The following TK2 variants were observed in gnomAD, a reference collection of about 807,000 sequenced individuals.
TK2 encodes the protein thymidine kinase 2, also known as thymidine kinase 2, mitochondrial.
TK2 carries 35 observed loss-of-function variants against 41.9 expected under a neutral mutation model. The ratio of observed to expected loss-of-function variants is 0.84; its 90% CI spans 0.64 to 1.11. The LOEUF is 1.11. Ranked by LOEUF, TK2 falls within the 50% of genes least tolerant of loss-of-function variation. TK2 has a pLI of 0.00. For missense variants in TK2, 320 were observed against 351.1 expected (o/e 0.91, Z 0.71); for synonymous variants, 128 against 129.1 (o/e 0.99, Z 0.06).
intron 9 of TK2, among the ~76,000 whole-genome samples, chr16:66,512,453 A>C (rs961191195): frequency 6.6e-6 from 1 of 151,868 alleles, no homozygotes; most frequent in Non-Finnish European, 1.5e-5. Context: ...TTTTTCCATA[A>C]TGAGGGAGAA....
intron 1 of TK2, 117 bp from the exon 2 acceptor site, chr16:66,549,126 A>G: frequency 6.5e-7 from 1 of 1,539,056 alleles, no homozygotes. Flanking sequence ...GCCTAAAAAC[A>G]TTTTCCATTT....
At chr16:66,542,058 A>C in intron 2 of TK2, 105 bp from the exon 3 acceptor site, 1 of 1,256,360 alleles carries the variant, frequency 8.0e-7, no homozygotes, top group Non-Finnish European at 1.2e-6. Context: ...TAATTGGTTC[A>C]GTCCAAGACT....
At chr16:66,533,551 AAAAT>A (rs368182144) in intron 4 of TK2, among the ~76,000 whole-genome samples, 18 of 151,992 alleles carry the variant, frequency 1.2e-4, no homozygotes, top group East Asian at 5.8e-4. Context: ...CCCTATCTCC[AAAAT>A]AAATAAATAA....
At chr16:66,549,744 A>AGCGCCCCCAGCGCTCGCTGCGGTCTC in intron 1 of TK2, 194 bp downstream of exon 1, 1 of 1,278,352 alleles carries the variant, frequency 7.8e-7, no homozygotes, top group Non-Finnish European at 9.8e-7. Flanking sequence ...ACCAAAGCCG[A>AGCGCCCCCAGCGCTCGCTGCGGTCTC]GCGCCCCCAG....
chr16:66,513,919 TCAGA>T, intron 8 of TK2, 108 bp from the exon 9 acceptor site: 1 of 959,356 alleles, frequency 1.0e-6, no homozygotes, highest in East Asian at 2.6e-5. Flanking sequence ...GGGCAGTGAC[TCAGA>T]CAAAGGAACC....
At position 66,541,670 on chromosome 16, in the gene TK2, G is replaced by A. The variant is rs551220979; in HGVS notation, c.231+209C>T. 2.6e-5 allele frequency among the ~76,000 whole-genome samples: 4 copies of A among 152,158 alleles called. No individual in the cohort carries two copies. The highest frequency in any genetic ancestry group is 2.1e-4 in the South Asian group (1 of 4,830). ...GGGCTCAAGCAATCCACCTGCTTCC[G>A]CCTCCCAAAGTGCTAGGATTACAGG... On this transcript the variant is annotated intron_variant, in intron 3 of 9. Coordinates refer to ENST00000544898, the MANE Select transcript of TK2 (RefSeq NM_004614.5).
At chr16:66,547,962 G>A in intron 2 of TK2, 1 of 1,288,790 alleles carries the variant, frequency 7.8e-7, no homozygotes, top group Middle Eastern at 2.1e-4. Flanking sequence ...GCCAGGCACA[G>A]TGGCTCACAC....
At chr16:66,530,942 T>TG (rs1372415124) in intron 5 of TK2, among the ~76,000 whole-genome samples, 1 of 152,096 alleles carries the variant, frequency 6.6e-6, no homozygotes, top group East Asian at 1.9e-4. Context: ...AGGCTGGTCT[T>TG]GAACTCCTGA....
chr16:66,547,910 A>G, intron 2 of TK2: 1 of 1,273,924 alleles, frequency 7.8e-7, no homozygotes, highest in Non-Finnish European at 1.0e-6. Flanking sequence ...CACAAAGAAC[A>G]GGCCCAGCTC....
At chr16:66,525,717 C>T (rs2144387133) in intron 6 of TK2, among the ~76,000 whole-genome samples, 1 of 152,210 alleles carries the variant, frequency 6.6e-6, no homozygotes, top group Admixed American at 6.5e-5. Flanking sequence ...TCTCAAGGCC[C>T]CAACAAGGTC....
At chr16:66,531,301 G>A in intron 5 of TK2, 79 bp downstream of exon 5, 1 of 1,425,652 alleles carries the variant, frequency 7.0e-7, no homozygotes, top group Non-Finnish European at 9.8e-7. Context: ...TCCTTGTAAA[G>A]TTTCCCTTCC....
At chr16:66,549,552 T>G in intron 1 of TK2, 1 of 1,057,820 alleles carries the variant, frequency 9.5e-7, no homozygotes. Context: ...GCCGGGGGCG[T>G]AACCCCCCTC....
chr16:66,530,712 ATTTC>A (rs776256372), intron 5 of TK2, among the ~76,000 whole-genome samples: 9 of 150,026 alleles, frequency 6.0e-5, no homozygotes, highest in Middle Eastern at 3.5e-3. Context: ...GAAAATTTGC[ATTTC>A]TTTCTTTTTT....
Position 66,550,069 on chromosome 16 carries a change from C to A in TK2, c.-8G>T, listed in dbSNP as rs1965748368. 6.3e-7 allele frequency: 1 copy of A among 1,590,544 alleles called. No individual in the cohort carries two copies. Among genetic ancestry groups the A allele is most frequent in the Admixed American group, 1.8e-5 (1 of 55,664 alleles). On this transcript the variant is annotated 5_prime_UTR_variant, in exon 1 of 10. Coordinates refer to ENST00000544898, the MANE Select transcript of TK2 (RefSeq NM_004614.5). ...CAGCGGCCACAGCAGCATAGCCGGGCGAGCGGATCCAGAGGCCCGGGGTTC... is the reference window on the plus strand; with the variant it reads ...CAGCGGCCACAGCAGCATAGCCGGGAGAGCGGATCCAGAGGCCCGGGGTTC...
At chr16:66,541,995 C>T (rs1965472439) in intron 2 of TK2, 42 bp from the exon 3 acceptor site, 1 of 1,601,584 alleles carries the variant, frequency 6.2e-7, no homozygotes, top group Non-Finnish European at 8.6e-7. Context: ...AACTCAAGCA[C>T]CCAGGGGAAT....
chr16:66,528,394 T>C (rs779097632), intron 6 of TK2, among the ~76,000 whole-genome samples: 4 of 152,188 alleles, frequency 2.6e-5, no homozygotes, highest in Non-Finnish European at 5.9e-5. Flanking sequence ...GGGAAGCTTT[T>C]AGTGAAAAAC....
At chr16:66,545,900 A>G (rs903362624) in intron 2 of TK2, among the ~76,000 whole-genome samples, 8 of 152,190 alleles carry the variant, frequency 5.3e-5, no homozygotes, top group African/African-American at 1.9e-4. Flanking sequence ...TCCATTTTAT[A>G]TGGAACGTCC....
At chr16:66,543,512 T>C (rs961775451) in intron 2 of TK2, among the ~76,000 whole-genome samples, 1 of 152,032 alleles carries the variant, frequency 6.6e-6, no homozygotes, top group African/African-American at 2.4e-5. Context: ...GAGAACACAT[T>C]AGACATCCTC....
At chr16:66,536,554 T>C (rs1390161031) in intron 4 of TK2, among the ~76,000 whole-genome samples, 1 of 151,984 alleles carries the variant, frequency 6.6e-6, no homozygotes, top group East Asian at 1.9e-4. Flanking sequence ...CAGGGCCAAG[T>C]TTGCAAACCC....
Sources: gnomAD v4.1 joint callset for allele counts (sites outside exome capture counted in the v4.1 genomes callset) on GRCh38, gnomAD v4.1.1 for gene constraint, MANE v1.5 for transcripts, NCBI Gene and HGNC (gene_info 2026-07-23, HGNC 2026-07-21) for gene names.